DMBX1: variants seen among roughly 807,000 people sequenced by gnomAD.
DMBX1 encodes diencephalon/mesencephalon homeobox 1, also known as diencephalon/mesencephalon homeobox protein 1.
DMBX1 carries 7 observed loss-of-function variants against 30.4 expected under a neutral mutation model. The ratio of observed to expected loss-of-function variants is 0.23; its 90% confidence interval spans 0.13 to 0.43. The LOEUF is 0.43. DMBX1 is among the 20% of genes least tolerant of loss of function. The probability of loss-of-function intolerance (pLI) is 1.00; values close to 1 mark genes in which losing one functional copy is unlikely to be tolerated. For synonymous variants in DMBX1, 222 were observed against 214.2 expected (o/e 1.04, Z -0.32); for missense variants, 460 against 508.5 (o/e 0.90, Z 0.92).
At position 46,491,181 on chromosome 1, in the gene DMBX1, G is replaced by A. The variant is rs1184926831; in HGVS notation, c.-13+398G>A. ...TTCCCCAAATTCGCACCAAATCTGG[G>A]GCCCCGACTTTTCCTGGATTCCAGC... On this transcript the variant is annotated intron_variant, in intron 2 of 5. Transcript: ENST00000360032. This position sits in a 1 kb window ranked among gnomAD's most constrained non-coding sequence, Gnocchi z 5.5. Among the ~76,000 whole-genome samples the A allele has an allele frequency of 6.6e-6, 1 of 152,218 alleles. No homozygotes were observed. Among genetic ancestry groups the A allele is most frequent in the African/African-American group, 2.4e-5 (1 of 41,452 alleles).
chr1:46,490,360 GA>G (rs915636522), intron 1 of DMBX1, among the ~76,000 whole-genome samples: 13 of 149,236 alleles, frequency 8.7e-5, no homozygotes, highest in African/African-American at 1.7e-4. Flanking sequence ...CTTCGCCCCT[GA>G]AAAAAAAAAT....
intron 2 of DMBX1, among the ~76,000 whole-genome samples, chr1:46,506,602 G>A (rs888588879): frequency 6.6e-6 from 1 of 152,194 alleles, no homozygotes; most frequent in Non-Finnish European, 1.5e-5. Flanking sequence ...CCTTTGTAAA[G>A]GCTTCTCTTA....
At chr1:46,505,302 T>A (rs1272649112) in intron 2 of DMBX1, among the ~76,000 whole-genome samples, 1 of 147,896 alleles carries the variant, frequency 6.8e-6, no homozygotes, top group African/African-American at 2.5e-5. Flanking sequence ...CATGCACACA[T>A]ATGTTTACTG....
intron 2 of DMBX1, among the ~76,000 whole-genome samples, chr1:46,495,611 T>A (rs773474493): frequency 6.6e-6 from 1 of 152,174 alleles, no homozygotes; most frequent in Non-Finnish European, 1.5e-5. Flanking sequence ...GCAACTACAA[T>A]TTGGTAAGGA....
At chr1:46,508,160 G>T (rs894997817) in intron 3 of DMBX1, among the ~76,000 whole-genome samples, 5 of 152,082 alleles carry the variant, frequency 3.3e-5, no homozygotes, top group Non-Finnish European at 7.4e-5. Context: ...ACCCACATGG[G>T]CTCAGCCCTG....
chr1:46,492,001 A>G (rs1665937828), intron 2 of DMBX1, among the ~76,000 whole-genome samples: 2 of 152,142 alleles, frequency 1.3e-5, no homozygotes, highest in Admixed American at 1.3e-4. Flanking sequence ...GAAGCAGGGC[A>G]TTGCTACTCA....
At chr1:46,496,244 C>G (rs1666023004) in intron 2 of DMBX1, among the ~76,000 whole-genome samples, 1 of 152,192 alleles carries the variant, frequency 6.6e-6, no homozygotes. Context: ...GGGATGTCAT[C>G]ATGTCAAGCT....
At chr1:46,507,271 G>C in intron 3 of DMBX1, 107 bp downstream of exon 3, 1 of 1,416,276 alleles carries the variant, frequency 7.1e-7, no homozygotes, top group Non-Finnish European at 9.5e-7. Flanking sequence ...TGTTCTAGGG[G>C]GCTCAAAAAG....
chr1:46,502,775 G>A (rs1021705241), intron 2 of DMBX1, among the ~76,000 whole-genome samples: 1 of 152,118 alleles, frequency 6.6e-6, no homozygotes, highest in Admixed American at 6.5e-5. Flanking sequence ...GCACACCCAG[G>A]AGGCTGAGGT....
At chr1:46,505,542 T>C (rs1223987104) in intron 2 of DMBX1, among the ~76,000 whole-genome samples, 1 of 149,730 alleles carries the variant, frequency 6.7e-6, no homozygotes, top group African/African-American at 2.5e-5. Context: ...TAGGTGGGAA[T>C]TGAACAATGA....
chr1:46,496,748 T>C (rs1181872373), intron 2 of DMBX1, among the ~76,000 whole-genome samples: 2 of 152,222 alleles, frequency 1.3e-5, no homozygotes, highest in East Asian at 3.8e-4. Flanking sequence ...TGACAAGGTC[T>C]CTTTCCCTCC....
rs1027332729 is a variant in DMBX1 at position 46,493,138 on chromosome 1, C to A, written c.-13+2355C>A. 6.6e-6 allele frequency among the ~76,000 whole-genome samples: 1 copy of A among 152,202 alleles called. No individual in the cohort carries two copies. The highest frequency in any genetic ancestry group is 2.4e-5 in the African/African-American group (1 of 41,450). Reference sequence around the variant, plus strand: ...TTCTCACAGTCCCGCTCGGCCGCCCCGCAGTGCCCATGTAAATGACAGCAA... The same window carrying A: ...TTCTCACAGTCCCGCTCGGCCGCCCAGCAGTGCCCATGTAAATGACAGCAA... On this transcript the variant is annotated intron_variant, in intron 2 of 5. Coordinates refer to ENST00000360032, the MANE Select transcript of DMBX1 (RefSeq NM_172225.2). This position sits in a 1 kb window ranked among gnomAD's most constrained non-coding sequence, Gnocchi z 4.1.
chr1:46,510,849 A>G lies in DMBX1; in HGVS notation c.334-86A>G. The G allele has an allele frequency of 2.2e-6, 3 of 1,387,842 alleles. No individual in the cohort carries two copies. The highest frequency in any genetic ancestry group is 2.9e-6 in the Non-Finnish European group (3 of 1,031,088). The allele number at this position is 1,387,842 out of a possible 1,614,324, so 86.0% of individuals were successfully genotyped here. A position where few individuals can be genotyped will look rare whatever the true frequency, so the allele number is the denominator to read the frequency against. ...CCTAGAGGGGTGGGGGGATGTTATC[A>G]CGTACATCCTCTCCCAGAGCACCCT... is the stretch of plus-strand genomic sequence containing the variant. On this transcript the variant is annotated intron_variant, in intron 4 of 5. Coordinates refer to ENST00000360032, the MANE Select transcript of DMBX1 (RefSeq NM_172225.2). The surrounding 1 kb of genome is among the most constrained non-coding windows in gnomAD (Gnocchi z 4.1).
chr1:46,505,338 T>G (rs1569890854), intron 2 of DMBX1, among the ~76,000 whole-genome samples: 1 of 144,710 alleles, frequency 6.9e-6, no homozygotes, highest in Admixed American at 7.0e-5. Flanking sequence ...TAGCAAAGAC[T>G]TGGAACCAAC....
intron 2 of DMBX1, among the ~76,000 whole-genome samples, chr1:46,496,237 A>G (rs1666022809): frequency 1.3e-5 from 2 of 152,098 alleles, no homozygotes; most frequent in Admixed American, 6.5e-5. Context: ...GTAGCTGGGG[A>G]TGTCATCATG....
intron 3 of DMBX1, among the ~76,000 whole-genome samples, chr1:46,508,291 G>C (rs765166559): frequency 1.3e-5 from 2 of 152,218 alleles, no homozygotes; most frequent in Non-Finnish European, 2.9e-5. Context: ...AGAGCAGCAG[G>C]ATCAGCTGGG....
At chr1:46,501,209 CCTTCCTTTCTTTCTTTCTTTCTTTCTTT>C (rs1666121453) in intron 2 of DMBX1, among the ~76,000 whole-genome samples, 1 of 75,880 alleles carries the variant, frequency 1.3e-5, no homozygotes, top group Non-Finnish European at 2.5e-5. Context: ...TTCCTTCCTT[CCTTCCTTTCTTTCTTTCTTTCTTTCTTT>C]CTTTCTTTCT....
chr1:46,509,176 G>A (rs534591003), intron 3 of DMBX1, among the ~76,000 whole-genome samples: 17 of 152,062 alleles, frequency 1.1e-4, no homozygotes, highest in African/African-American at 4.1e-4. Context: ...GGGTTCAAGC[G>A]GTTCTCCTGC....
intron 3 of DMBX1, among the ~76,000 whole-genome samples, chr1:46,508,129 C>T (rs898748143): frequency 9.2e-5 from 14 of 151,678 alleles, no homozygotes; most frequent in East Asian, 1.9e-4. Flanking sequence ...TGTCCCAGGT[C>T]CAGCCTTGAG....
Sources: gnomAD v4.1 joint callset for allele counts (sites outside exome capture counted in the v4.1 genomes callset) on GRCh38, gnomAD v4.1.1 for gene constraint, Gnocchi (gnomAD v3.1) non-coding constraint, MANE v1.5 for transcripts, NCBI Gene and HGNC (gene_info 2026-07-23, HGNC 2026-07-21) for gene names.